The following GLP2R variants were observed in gnomAD, a reference collection of about 807,000 sequenced individuals.
The protein encoded by GLP2R is glucagon-like peptide 2 receptor.
GLP2R carries 59 observed loss-of-function variants against 68.2 expected under a neutral mutation model. The ratio of observed to expected loss-of-function variants is 0.87; its 90% CI spans 0.70 to 1.07. GLP2R has a LOEUF of 1.07. GLP2R is among the 50% of genes least tolerant of loss of function. The probability of loss-of-function intolerance (pLI) is 0.00; values close to 1 mark genes in which losing one functional copy is unlikely to be tolerated. For synonymous variants in GLP2R, 270 were observed against 265.4 expected, an observed-to-expected ratio of 1.02 and a Z score of -0.17; for missense variants, 548 against 677.4, an observed-to-expected ratio of 0.81 and a Z score of 2.12.
At chr17:9,865,795 G>A in intron 9 of GLP2R, 1 of 470,806 alleles carries the variant, frequency 2.1e-6, no homozygotes. Context: ...TCAGCTCTTA[G>A]AGAGGACATT....
chr17:9,865,056 T>C (rs1304076839), intron 9 of GLP2R, among the ~76,000 whole-genome samples: 1 of 152,144 alleles, frequency 6.6e-6, no homozygotes, highest in African/African-American at 2.4e-5. Flanking sequence ...CACTCTCACC[T>C]TAGCTTGTGG....
chr17:9,849,133 TTATA>T (rs1039140351), intron 4 of GLP2R, among the ~76,000 whole-genome samples: 1 of 151,670 alleles, frequency 6.6e-6, no homozygotes, highest in Non-Finnish European at 1.5e-5. Context: ...TATCCATTGA[TTATA>T]TATGATTTTT....
rs552060339 is a variant in GLP2R, at chr17:9,847,119, G to A, written c.504+4503G>A. ...TGCACAGTAGCGCAGCGTTAGACAT[G>A]TTTCTCCTCATGCAGATACAACAGC... On this transcript the variant is annotated intron_variant, in intron 4 of 12. Coordinates refer to ENST00000262441, the MANE Select transcript of GLP2R (RefSeq NM_004246.3). Among the ~76,000 whole-genome samples the A allele has an allele frequency of 2.6e-5, 4 of 152,314 alleles. No individual in the cohort carries two copies. In the South Asian group the frequency reaches 8.3e-4, roughly 32 times the overall value.
In GLP2R at chr17:9,862,421, C is replaced by G. The variant is rs370932513; in HGVS notation, c.1056+331C>G. ...TTAGTCATGGAGGAACCCAGAATAG[C>G]AGGGGTATCGGCTTATATCCTAACA... On this transcript the variant is annotated intron_variant, in intron 9 of 12. Coordinates refer to ENST00000262441, the MANE Select transcript of GLP2R (RefSeq NM_004246.3). Among the ~76,000 whole-genome samples the G allele has an allele frequency of 2.0e-5, 3 of 152,282 alleles. No homozygotes were observed. The East Asian group carries it at 5.8e-4, about 29-fold the overall frequency.
intron 12 of GLP2R, among the ~76,000 whole-genome samples, chr17:9,888,715 C>T (rs1025396761): frequency 2.6e-5 from 4 of 152,212 alleles, no homozygotes; most frequent in African/African-American, 9.6e-5. Flanking sequence ...AATCCACCTG[C>T]TTCAGCCTCC....
intron 3 of GLP2R, among the ~76,000 whole-genome samples, chr17:9,838,383 C>G (rs901984651): frequency 6.6e-6 from 1 of 152,158 alleles, no homozygotes; most frequent in Non-Finnish European, 1.5e-5. Context: ...CCGCTTGGTC[C>G]GCGGGAGCTG....
chr17:9,844,061 G>T (rs1467140759), intron 4 of GLP2R, among the ~76,000 whole-genome samples: 4 of 152,152 alleles, frequency 2.6e-5, no homozygotes, highest in African/African-American at 9.7e-5. Context: ...AGGGTGAGAA[G>T]GAGATGGCCA....
intron 4 of GLP2R, among the ~76,000 whole-genome samples, chr17:9,849,673 C>T (rs572579996): frequency 5.6e-5 from 7 of 124,458 alleles, no homozygotes; most frequent in African/African-American, 1.3e-4. Context: ...AGTGCAGTGG[C>T]GTGATCTCGG....
At chr17:9,865,845 A>G in intron 9 of GLP2R, 1 of 471,252 alleles carries the variant, frequency 2.1e-6, no homozygotes, top group African/African-American at 2.0e-5. Flanking sequence ...CACTTGGACT[A>G]GAGGAAACGG....
Position 9,861,189 on chromosome 17 carries a change from G to T in GLP2R, c.976G>T (p.Glu326Ter). 6.2e-7 allele frequency: 1 copy of T among 1,610,204 alleles called. No individual in the cohort carries two copies. The highest frequency in any genetic ancestry group is 8.5e-7 in the Non-Finnish European group (1 of 1,176,684). The stretch of plus-strand genomic sequence containing the variant: ...CTGGGGTTTCGCCCGTGCACACCTG[G>T]AGAACACAGGGTAGGTAATTCACCA... ...VPWGFARAHL[E>*]NTGCWTTNGN... Residue 326 changes from glutamate (E) to a stop codon, truncating the protein, a stop_gained, in exon 8 of 13, where the codon GAG becomes TAG. Transcript: ENST00000262441. LOFTEE classifies it high-confidence loss of function.
chr17:9,881,395 T>TTTTTTTTC (rs1339611394), intron 11 of GLP2R, among the ~76,000 whole-genome samples: 2 of 131,108 alleles, frequency 1.5e-5, no homozygotes, highest in Non-Finnish European at 3.0e-5. Context: ...TTTTTTTTTT[T>TTTTTTTTC]TTTGAGACGG....
At chr17:9,851,832 C>T (rs1457168228) in intron 4 of GLP2R, among the ~76,000 whole-genome samples, 1 of 151,596 alleles carries the variant, frequency 6.6e-6, no homozygotes, top group Non-Finnish European at 1.5e-5. Context: ...TTTAAAATCA[C>T]ACAAAATATA....
chr17:9,832,731 C>T (rs996981359), intron 1 of GLP2R, among the ~76,000 whole-genome samples: 1 of 151,616 alleles, frequency 6.6e-6, no homozygotes, highest in Non-Finnish European at 1.5e-5. Flanking sequence ...GAGAACTTGT[C>T]TCAAAAAAGT....
chr17:9,827,299 G>T (rs796227108), intron 1 of GLP2R, among the ~76,000 whole-genome samples: 3 of 152,266 alleles, frequency 2.0e-5, no homozygotes, highest in African/African-American at 7.2e-5. Context: ...TCTGCACTGG[G>T]TTGAGTGCCA....
intron 1 of GLP2R, among the ~76,000 whole-genome samples, chr17:9,832,023 A>T (rs2152029605): frequency 6.6e-6 from 1 of 152,306 alleles, no homozygotes; most frequent in African/African-American, 2.4e-5. Context: ...ACAGATTCTA[A>T]GTCCTTTTTA....
At position 9,842,628 on chromosome 17, in the gene GLP2R, C is replaced by CA; in HGVS notation, c.504+13dup. The CA allele has an allele frequency of 1.9e-6, 3 of 1,612,986 alleles. No individual in the cohort carries two copies. Among genetic ancestry groups the CA allele is most frequent in the Non-Finnish European group, 2.5e-6 (3 of 1,179,918 alleles). The stretch of plus-strand genomic sequence containing the variant: ...GCTTCAAGCAAAACGTGAGTTTGCT[C>CA]AGCTCAGTGAGGAGGCATCCAGGGT... On this transcript the variant is annotated intron_variant, in intron 4 of 12. Coordinates refer to ENST00000262441, the MANE Select transcript of GLP2R (RefSeq NM_004246.3).
intron 3 of GLP2R, among the ~76,000 whole-genome samples, chr17:9,836,757 G>A (rs1347481044): frequency 6.6e-6 from 1 of 151,924 alleles, no homozygotes; most frequent in Non-Finnish European, 1.5e-5. Context: ...ATCCCCTCAA[G>A]CATTTATCTT....
chr17:9,855,643 A>T (rs1372353019), intron 5 of GLP2R, among the ~76,000 whole-genome samples: 1 of 152,256 alleles, frequency 6.6e-6, no homozygotes, highest in African/African-American at 2.4e-5. Context: ...AGTCGTTTAA[A>T]TGTCATCCCT....
intron 3 of GLP2R, among the ~76,000 whole-genome samples, chr17:9,841,981 A>T (rs1331963581): frequency 6.6e-6 from 1 of 152,138 alleles, no homozygotes; most frequent in Non-Finnish European, 1.5e-5. Context: ...TTCCCAAATC[A>T]TGGAGAGTTG....
Sources: allele counts gnomAD v4.1 joint callset (sites outside exome capture counted in the v4.1 genomes callset), GRCh38; gene constraint gnomAD v4.1.1; transcripts MANE v1.5; gene names NCBI Gene and HGNC (gene_info 2026-07-23, HGNC 2026-07-21).